C15orf39: variants seen among roughly 807,000 people sequenced by gnomAD.
The protein encoded by C15orf39 is PRMT2 interacting protein.
In C15orf39, 24 loss-of-function variants were observed where a neutral mutation model predicts 53.9. The observed-to-expected ratio is 0.45, with a 90% CI of 0.32 to 0.63. The LOEUF is 0.63. C15orf39 is among the 20% of genes least tolerant of loss of function. The pLI, the probability that C15orf39 is intolerant of heterozygous loss-of-function variation, is 0.04. For synonymous variants in C15orf39, 569 were observed against 576.5 expected (o/e 0.99, Z 0.19); for missense variants, 1,271 against 1,347.9 (o/e 0.94, Z 0.89).
rs1247271944 is a variant in C15orf39, at chr15:75,207,614, GGCCACAACTGAGCCTGACTCT to G, written c.1573_1593del (p.Thr525_Thr531del). On this transcript the variant is annotated inframe_deletion, in exon 2 of 3. Coordinates refer to ENST00000394987, the MANE Select transcript of C15orf39 (RefSeq NM_015492.5). ...ACTATCTGGATGTGCCGGCACCCGA[GGCCACAACTGAGCCTGACTCT>G]GCCACAGCTGAGCCTGACTCAGCCC... 4 of 1,611,018 alleles carry G rather than the reference GGCCACAACTGAGCCTGACTCT, an allele frequency of 2.5e-6. No homozygotes were observed. Among genetic ancestry groups the G allele is most frequent in the East Asian group, 2.2e-5 (1 of 44,868 alleles).
rs1283050156 is a variant in C15orf39 at position 75,211,656 on chromosome 15, C to G, written c.*540C>G. The G allele has an allele frequency of 1.3e-5, 2 of 152,280 alleles. No individual in the cohort carries two copies. Among genetic ancestry groups the G allele is most frequent in the Non-Finnish European group, 2.9e-5 (2 of 68,102 alleles). 9.4% of individuals were successfully genotyped at this position (152,280 alleles called of 1,614,324 possible). A position where few individuals can be genotyped will look rare whatever the true frequency, so the allele number is the denominator to read the frequency against. ...AGGCAGTGGATGTGACTCACACTTT[C>G]AGGAGTCACCCCCCAGCATTTGGGG... On this transcript the variant is annotated 3_prime_UTR_variant, in exon 3 of 3. Coordinates refer to ENST00000394987, the MANE Select transcript of C15orf39 (RefSeq NM_015492.5).
Position 75,208,329 on chromosome 15 carries a change from G to T in C15orf39, c.2281G>T (p.Asp761Tyr). 6.3e-7 allele frequency: 1 copy of T among 1,578,278 alleles called. No individual in the cohort carries two copies. The highest frequency in any genetic ancestry group is 1.1e-5 in the South Asian group (1 of 87,592). ...TCCAGCATCTACTTCAGCCCCAGGG[G>T]ACTCCCTGGAGCAGCATTTTACAGG... ...PAPASTSAPGDSLEQHFTGLH... is the reference protein window; with the variant it reads ...PAPASTSAPGYSLEQHFTGLH... Residue 761 changes from aspartate (D) to tyrosine (Y), a missense_variant, in exon 2 of 3, where the codon GAC becomes TAC. Coordinates refer to ENST00000394987, the MANE Select transcript of C15orf39 (RefSeq NM_015492.5).
At position 75,208,229 on chromosome 15, in the gene C15orf39, TGCTCCGGCTCGAGCTCAG is replaced by T. The variant is rs777616891; in HGVS notation, c.2187_2204del (p.Arg731_Ala736del). ...CTGCCCCTGCTCCAGCTCCATCCCC[TGCTCCGGCTCGAGCTCAG>T]GCTCCAGCTTCAGCCCGGGATCCAG... is the stretch of plus-strand genomic sequence containing the variant. On this transcript the variant is annotated inframe_deletion, in exon 2 of 3. Coordinates refer to ENST00000394987, the MANE Select transcript of C15orf39 (RefSeq NM_015492.5). The T allele has an allele frequency of 6.2e-7, 1 of 1,612,130 alleles. No individual in the cohort carries two copies. Among genetic ancestry groups the T allele is most frequent in the Non-Finnish European group, 8.5e-7 (1 of 1,179,176 alleles).
chr15:75,208,652 G>T lies in C15orf39; in HGVS notation c.2604G>T (p.Glu868Asp), dbSNP rs776386329. Residue 868 changes from glutamate (E) to aspartate (D), a missense_variant, in exon 2 of 3, where the codon GAG (glutamate) becomes GAT (aspartate). Around this residue, in one of 2 missense-constraint regions of C15orf39, gnomAD observed 277 missense variants for 354.1 expected, o/e 0.78. Coordinates refer to ENST00000394987, the MANE Select transcript of C15orf39 (RefSeq NM_015492.5). ...PPASVDHVLQ[E>D]HRVELRPTTL... ...CTTCTGTGGACCATGTGCTGCAGGA[G>T]CATCGTGTGGAGCTGCGGCCCACCA... 1.2e-6 allele frequency: 2 copies of T among 1,605,004 alleles called. No individual in the cohort carries two copies. Among genetic ancestry groups the T allele is most frequent in the Admixed American group, 3.4e-5 (2 of 59,090 alleles).
rs1473049937 is a variant in C15orf39, at chr15:75,208,500, C to G, written c.2452C>G (p.Leu818Val). 6.3e-7 allele frequency: 1 copy of G among 1,592,956 alleles called. No individual in the cohort carries two copies. Among genetic ancestry groups the G allele is most frequent in the Non-Finnish European group, 8.5e-7 (1 of 1,172,838 alleles). ...GGGTGTGCAGGGGCTGCTGGCCAAG[C>G]TGCTGTCTCAGCTGCAGCGCTTCGA... ...CQGVQGLLAKLLSQLQRFDRT... is the reference protein window; with the variant it reads ...CQGVQGLLAKVLSQLQRFDRT... The change falls in exon 2 of 3, where the codon CTG (leucine) becomes GTG (valine). Residue 818 changes from leucine to valine, a missense_variant. This residue lies in a region of C15orf39 where 277 missense variants were observed against 354.1 expected (regional missense o/e 0.78). Transcript: ENST00000394987.
chr15:75,207,548 G>T lies in C15orf39; in HGVS notation c.1500G>T (p.Met500Ile). The change falls in exon 2 of 3, where the codon ATG becomes ATT. Residue 500 changes from methionine (M) to isoleucine (I), a missense_variant. Physicochemically the swap from Met to Ile is conservative, Grantham distance 10. Around this residue, in one of 2 missense-constraint regions of C15orf39, gnomAD observed 994 missense variants for 993.7 expected, o/e 1.00. Transcript: ENST00000394987. ...CAAGGCCACCCAGCTCTCCACCAAT[G>T]CCTGTCATTGACAATGTCTTCAGCC... ...EGARPPSSPPMPVIDNVFSLA... is the reference protein window; with the variant it reads ...EGARPPSSPPIPVIDNVFSLA... 6.2e-7 allele frequency: 1 copy of T among 1,613,518 alleles called. No homozygotes were observed. Among genetic ancestry groups the T allele is most frequent in the African/African-American group, 1.3e-5 (1 of 75,006 alleles).
In C15orf39 at chr15:75,201,978, A is replaced by T. The variant is rs1460026512; in HGVS notation, c.-132A>T. On this transcript the variant is annotated 5_prime_UTR_variant, in exon 1 of 3. Coordinates refer to ENST00000394987, the MANE Select transcript of C15orf39 (RefSeq NM_015492.5). This position sits in a 1 kb window ranked among gnomAD's most constrained non-coding sequence, Gnocchi z 4.7. ...CCGCGCAGGGCCCGGTCGGACTAGGACCCGCGGCCTGAGAGACGCTGGAGG... is the reference window on the plus strand; with the variant it reads ...CCGCGCAGGGCCCGGTCGGACTAGGTCCCGCGGCCTGAGAGACGCTGGAGG... 1.3e-5 allele frequency: 2 copies of T among 152,104 alleles called. No homozygotes were observed. The highest frequency in any genetic ancestry group is 6.5e-5 in the Admixed American group (1 of 15,280). The allele number at this position is 152,104 out of a possible 1,614,324, so 9.4% of individuals were successfully genotyped here.
Position 75,206,140 on chromosome 15 carries a change from T to G in C15orf39, c.92T>G (p.Leu31Arg). ...LETDSGLEHS[L>R]PHSVGNQDPC... ...ACAGACTCCGGGCTCGAGCACAGCC[T>G]GCCCCACTCTGTTGGTAACCAGGAT... Residue 31 changes from leucine (L) to arginine (R), a missense_variant, in exon 2 of 3, where the codon CTG becomes CGG. Physicochemically the swap from Leu to Arg is moderately radical, Grantham distance 102. Around this residue, in one of 2 missense-constraint regions of C15orf39, gnomAD observed 994 missense variants for 993.7 expected, o/e 1.00. Coordinates refer to ENST00000394987, the MANE Select transcript of C15orf39 (RefSeq NM_015492.5). The G allele has an allele frequency of 1.2e-6, 2 of 1,613,868 alleles. No homozygotes were observed. Among genetic ancestry groups the G allele is most frequent in the Non-Finnish European group, 1.7e-6 (2 of 1,179,946 alleles).
upstream of C15orf39, among the ~76,000 whole-genome samples, chr15:75,201,143 CCA>C (rs965044410): frequency 6.6e-6 from 1 of 152,154 alleles, no homozygotes; most frequent in Non-Finnish European, 1.5e-5. This position sits in a 1 kb window ranked among gnomAD's most constrained non-coding sequence, Gnocchi z 4.7. Context: ...GGGCTCTCAT[CCA>C]CAGTCAGATG....
Position 75,208,525 on chromosome 15 carries a change from A to T in C15orf39, c.2477A>T (p.Asp826Val). 1 of 1,580,178 alleles carries T rather than the reference A, an allele frequency of 6.3e-7. No homozygotes were observed. Among genetic ancestry groups the T allele is most frequent in the Non-Finnish European group, 8.6e-7 (1 of 1,165,136 alleles). The change falls in exon 2 of 3, where the codon GAT becomes GTT. Residue 826 changes from aspartate (D) to valine (V), a missense_variant. By Grantham distance (152) the Asp-to-Val change is radical. Coordinates refer to ENST00000394987, the MANE Select transcript of C15orf39 (RefSeq NM_015492.5). ...CTGCTGTCTCAGCTGCAGCGCTTCGATCGCACCCACCGGTGCCCCTTCCCC... is the reference window on the plus strand; with the variant it reads ...CTGCTGTCTCAGCTGCAGCGCTTCGTTCGCACCCACCGGTGCCCCTTCCCC... ...AKLLSQLQRF[D>V]RTHRCPFPHV...
intron 2 of C15orf39, among the ~76,000 whole-genome samples, chr15:75,209,758 C>T (rs1358539263): frequency 1.9e-4 from 29 of 152,188 alleles, no homozygotes; most frequent in Admixed American, 1.9e-3. Flanking sequence ...TGCCCAGCCT[C>T]TTCCCTGTAG....
intron 1 of C15orf39, chr15:75,202,336 C>G (rs1181967468): frequency 6.6e-6 from 1 of 152,348 alleles, no homozygotes; most frequent in African/African-American, 2.4e-5. Context: ...GAACAGGCGC[C>G]TAATCTGGCG....
Position 75,207,317 on chromosome 15 carries a change from C to T in C15orf39, c.1269C>T (p.Ser423=). 2 of 1,613,462 alleles carry T rather than the reference C, an allele frequency of 1.2e-6. No homozygotes were observed. Among genetic ancestry groups the T allele is most frequent in the Admixed American group, 1.7e-5 (1 of 60,020 alleles). The change falls in exon 2 of 3, where the codon AGC becomes AGT. Residue 423 remains serine, a synonymous_variant. Coordinates refer to ENST00000394987, the MANE Select transcript of C15orf39 (RefSeq NM_015492.5). ...FQRACQPLPA[S]QPCSEPVRPA... ...GGGCATGCCAGCCTTTGCCAGCGAG[C>T]CAGCCCTGCTCAGAGCCTGTGAGGC...
chr15:75,206,534 G>T lies in C15orf39; in HGVS notation c.486G>T (p.Ala162=). 1 of 1,614,028 alleles carries T rather than the reference G, an allele frequency of 6.2e-7. No homozygotes were observed. The highest frequency in any genetic ancestry group is 1.1e-5 in the South Asian group (1 of 91,060). The part of the protein sequence containing the change: ...KRPLDVDWTL[A]TGPLLPSADP... ...CACTGGATGTTGACTGGACTCTGGC[G>T]ACTGGGCCCCTGTTGCCCTCAGCTG... Residue 162 remains alanine, a synonymous_variant, in exon 2 of 3, where the codon GCG becomes GCT. Coordinates refer to ENST00000394987, the MANE Select transcript of C15orf39 (RefSeq NM_015492.5).
rs1211939630 is a variant in C15orf39, at chr15:75,206,042, C to T, written c.-7C>T. The T allele has an allele frequency of 6.3e-7, 1 of 1,588,566 alleles. No homozygotes were observed. Among genetic ancestry groups the T allele is most frequent in the South Asian group, 1.1e-5 (1 of 88,052 alleles). ...GGGGCCTAGGAGGGCTCGAAGCCTT[C>T]ACAGCGATGGCAGAGAAGCGACCCC... On this transcript the variant is annotated 5_prime_UTR_variant, in exon 2 of 3. Coordinates refer to ENST00000394987, the MANE Select transcript of C15orf39 (RefSeq NM_015492.5).
rs1193127155 is a variant in C15orf39 at position 75,210,865 on chromosome 15, G to A, written c.2893G>A (p.Gly965Ser). The A allele has an allele frequency of 6.2e-7, 1 of 1,613,726 alleles. No individual in the cohort carries two copies. Among genetic ancestry groups the A allele is most frequent in the Non-Finnish European group, 8.5e-7 (1 of 1,179,992 alleles). ...ACCGGCCCCCAAGGTCAGGAAGCCA[G>A]GCAGGAAGCCACCAACCCCTGGCCC... ...KSPAPKVRKP[G>S]RKPPTPGPEK... is the part of the protein sequence containing the mutation. Residue 965 changes from glycine (G) to serine (S), a missense_variant, in exon 3 of 3, where the codon GGC becomes AGC. This residue lies in a region of C15orf39 where 277 missense variants were observed against 354.1 expected (regional missense o/e 0.78). Coordinates refer to ENST00000394987, the MANE Select transcript of C15orf39 (RefSeq NM_015492.5).
Position 75,210,862 on chromosome 15 carries a change from C to G in C15orf39, c.2890C>G (p.Pro964Ala), listed in dbSNP as rs753311145. ...GTCACCGGCCCCCAAGGTCAGGAAGCCAGGCAGGAAGCCACCAACCCCTGG... is the reference window on the plus strand; with the variant it reads ...GTCACCGGCCCCCAAGGTCAGGAAGGCAGGCAGGAAGCCACCAACCCCTGG... Reference protein sequence around the residue: ...QKSPAPKVRKPGRKPPTPGPE... With the variant: ...QKSPAPKVRKAGRKPPTPGPE... The change falls in exon 3 of 3, where the codon CCA (proline) becomes GCA (alanine). Residue 964 changes from proline to alanine, a missense_variant. Pro to Ala is a conservative substitution (Grantham distance 27, BLOSUM62 -1). Around this residue, in one of 2 missense-constraint regions of C15orf39, gnomAD observed 277 missense variants for 354.1 expected, o/e 0.78. Transcript: ENST00000394987. 1 of 1,613,680 alleles carries G rather than the reference C, an allele frequency of 6.2e-7. No individual in the cohort carries two copies. The highest frequency in any genetic ancestry group is 1.7e-5 in the Admixed American group (1 of 60,018).
At position 75,211,733 on chromosome 15, in the gene C15orf39, T is replaced by C. The variant is rs1471786657; in HGVS notation, c.*617T>C. 1 of 152,208 alleles carries C rather than the reference T, an allele frequency of 6.6e-6. No homozygotes were observed. Among genetic ancestry groups the C allele is most frequent in the African/African-American group, 2.4e-5 (1 of 41,440 alleles). The allele number at this position is 152,208 out of a possible 1,614,324, so 9.4% of individuals were successfully genotyped here. On this transcript the variant is annotated 3_prime_UTR_variant, in exon 3 of 3. Transcript: ENST00000394987. ...GCTCCCTGAGGGAGCCTGCACTCCC[T>C]GCTCCCAATCCCCGCTACTGGTGCA...
upstream of C15orf39, among the ~76,000 whole-genome samples, chr15:75,200,203 C>G (rs2070392477): frequency 6.6e-6 from 1 of 152,160 alleles, no homozygotes; most frequent in Admixed American, 6.5e-5. Flanking sequence ...CTTTGGCAGT[C>G]CAGGGTGTTT....
Sources: allele counts gnomAD v4.1 joint callset (sites outside exome capture counted in the v4.1 genomes callset), GRCh38; gene constraint gnomAD v4.1.1; regional missense constraint gnomAD v4.1.1; non-coding constraint Gnocchi (gnomAD v3.1); transcripts MANE v1.5; gene names NCBI Gene and HGNC (gene_info 2026-07-23, HGNC 2026-07-21).